The following CNTN5 variants were observed in gnomAD, a reference collection of about 807,000 sequenced individuals.
The protein encoded by CNTN5 is contactin-5.
A neutral mutation model predicts 129.1 loss-of-function variants in CNTN5; 77 were observed. That is an observed-to-expected ratio of 0.60 (90% CI 0.50 to 0.72). The LOEUF (loss-of-function observed/expected upper bound fraction) is 0.72, where lower values mean the gene tolerates loss of function less well. Ranked by LOEUF, CNTN5 falls within the 30% of genes least tolerant of loss-of-function variation. The probability of loss-of-function intolerance (pLI) is 0.00; values close to 1 mark genes in which losing one functional copy is unlikely to be tolerated. For synonymous variants in CNTN5, 509 were observed against 465.6 expected (o/e 1.09, Z -1.20); for missense variants, 1,478 against 1,328.8 (o/e 1.11, Z -1.75).
At chr11:99,768,466 C>T (rs1944833170) in intron 3 of CNTN5, among the ~76,000 whole-genome samples, 1 of 152,072 alleles carries the variant, frequency 6.6e-6, no homozygotes, top group Non-Finnish European at 1.5e-5. Context: ...CTTCAGTTGC[C>T]TGACTCAGCA....
intron 3 of CNTN5, among the ~76,000 whole-genome samples, chr11:99,769,696 C>G (rs141411812): frequency 1.2e-3 from 187 of 152,016 alleles, no homozygotes; most frequent in African/African-American, 4.4e-3. Flanking sequence ...TGCCTGTAAT[C>G]CCAGCTACTT....
intron 1 of CNTN5, among the ~76,000 whole-genome samples, chr11:99,062,210 A>AG (rs1864912877): frequency 6.6e-6 from 1 of 152,142 alleles, no homozygotes. Context: ...AGCAGACCTA[A>AG]CTAAATCTAA....
At chr11:99,557,646 C>A (rs2135541749) in intron 3 of CNTN5, among the ~76,000 whole-genome samples, 1 of 151,450 alleles carries the variant, frequency 6.6e-6, no homozygotes, top group East Asian at 1.9e-4. Context: ...ATTCTTTAGC[C>A]TTTATACTAT....
chr11:100,258,687 G>T (rs1175743659), intron 17 of CNTN5, among the ~76,000 whole-genome samples: 3 of 152,064 alleles, frequency 2.0e-5, no homozygotes, highest in Non-Finnish European at 4.4e-5. Context: ...TTCATATCCA[G>T]CCAAACTAAG....
chr11:99,296,649 G>A (rs567451896), intron 1 of CNTN5, among the ~76,000 whole-genome samples: 1 of 152,268 alleles, frequency 6.6e-6, no homozygotes, highest in South Asian at 2.1e-4. Flanking sequence ...TGGTTTTAGG[G>A]TGGAGCCCTT....
chr11:99,949,635 C>T (rs1387574744), intron 7 of CNTN5, among the ~76,000 whole-genome samples: 1 of 152,116 alleles, frequency 6.6e-6, no homozygotes, highest in Non-Finnish European at 1.5e-5. Flanking sequence ...AATTAAAAAC[C>T]CCTTAGCAAA....
chr11:100,262,290 A>G (rs568310519), intron 17 of CNTN5, among the ~76,000 whole-genome samples: 13 of 152,350 alleles, frequency 8.5e-5, no homozygotes, highest in African/African-American at 2.9e-4. Flanking sequence ...TCAGGAAACA[A>G]CAGATGCTGG....
At position 99,248,896 on chromosome 11, in the gene CNTN5, C is replaced by G. The variant is rs185648879; in HGVS notation, c.-209-76450C>G. On this transcript the variant is annotated intron_variant, in intron 1 of 24. Transcript: ENST00000524871. Reference sequence around the variant, plus strand: ...TGTAGTATAGTTTGAAGTCAGGTAGCGTGATGCCTCCAGCTTTGTTCTTTT... The same window carrying G: ...TGTAGTATAGTTTGAAGTCAGGTAGGGTGATGCCTCCAGCTTTGTTCTTTT... 1.4e-3 allele frequency among the ~76,000 whole-genome samples: 208 copies of G among 152,146 alleles called. 1 individual carries two copies. The highest frequency in any genetic ancestry group is 4.7e-3 in the African/African-American group (194 of 41,532).
chr11:99,207,543 C>T (rs1261047008), intron 1 of CNTN5, among the ~76,000 whole-genome samples: 1 of 152,162 alleles, frequency 6.6e-6, no homozygotes, highest in African/African-American at 2.4e-5. Context: ...GGTAACATCA[C>T]TATAACAAGG....
chr11:99,254,028 A>G (rs1329846914), intron 1 of CNTN5, among the ~76,000 whole-genome samples: 1 of 151,490 alleles, frequency 6.6e-6, no homozygotes, highest in Non-Finnish European at 1.5e-5. Context: ...TAAATCCAAA[A>G]TAATATTTAT....
At chr11:99,368,640 A>G (rs1418950025) in intron 2 of CNTN5, among the ~76,000 whole-genome samples, 2 of 151,534 alleles carry the variant, frequency 1.3e-5, no homozygotes, top group South Asian at 2.1e-4. Context: ...GACTTTACAC[A>G]TATAATTATC....
At chr11:99,545,940 G>C (rs1244796551) in intron 2 of CNTN5, among the ~76,000 whole-genome samples, 3 of 152,076 alleles carry the variant, frequency 2.0e-5, no homozygotes, top group Non-Finnish European at 4.4e-5. Flanking sequence ...CTCCTAAAAT[G>C]GATACAAATC....
At chr11:99,576,911 A>C (rs1385446383) in intron 3 of CNTN5, among the ~76,000 whole-genome samples, 1 of 152,174 alleles carries the variant, frequency 6.6e-6, no homozygotes, top group Non-Finnish European at 1.5e-5. Context: ...TGGGGGATTA[A>C]GATTTGAGGG....
Position 100,049,359 on chromosome 11 carries a change from C to G in CNTN5, c.981-11853C>G, listed in dbSNP as rs557610032. Reference sequence around the variant, plus strand: ...TCGCAAACTTTAAAATAATCAAACACATAGCACAAAAAACAAAAGGCTGTA... The same window carrying G: ...TCGCAAACTTTAAAATAATCAAACAGATAGCACAAAAAACAAAAGGCTGTA... On this transcript the variant is annotated intron_variant, in intron 9 of 24. Coordinates refer to ENST00000524871, the MANE Select transcript of CNTN5 (RefSeq NM_014361.4). Among the ~76,000 whole-genome samples, 4 of 151,498 alleles carry G rather than the reference C, an allele frequency of 2.6e-5. No individual in the cohort carries two copies. The South Asian group carries it at 8.3e-4, about 31-fold the overall frequency.
chr11:99,834,976 G>T (rs1230995840), intron 4 of CNTN5, among the ~76,000 whole-genome samples: 15 of 152,134 alleles, frequency 9.9e-5, no homozygotes, highest in Admixed American at 9.8e-4. Flanking sequence ...AGTAATTCAG[G>T]AGTTTCCCTT....
intron 1 of CNTN5, among the ~76,000 whole-genome samples, chr11:99,241,316 T>TG (rs1435532743): frequency 5.1e-5 from 5 of 97,726 alleles, no homozygotes; most frequent in South Asian, 3.8e-4. Flanking sequence ...ATTTGATTGT[T>TG]GGTTTTTTTT....
At chr11:100,246,129 A>T (rs1451248237) in intron 16 of CNTN5, among the ~76,000 whole-genome samples, 1 of 152,016 alleles carries the variant, frequency 6.6e-6, no homozygotes, top group African/African-American at 2.4e-5. Context: ...TCATTGATTT[A>T]AAAAAAGGGA....
At position 99,022,051 on chromosome 11, in the gene CNTN5, G is replaced by GA. The variant is rs565211170; in HGVS notation, c.-210+786dup. On this transcript the variant is annotated intron_variant, in intron 1 of 24. Transcript: ENST00000524871. The stretch of plus-strand genomic sequence containing the variant: ...TTAAATCTTAGAACTGTTCTCCCAA[G>GA]AAAAATACAATTTCATGTGGTAATT... Among the ~76,000 whole-genome samples, 701 of 152,230 alleles carry GA rather than the reference G, an allele frequency of 4.6e-3. 7 individuals carry two copies. Among genetic ancestry groups the GA allele is most frequent in the African/African-American group, 0.015 (615 of 41,558 alleles).
intron 8 of CNTN5, among the ~76,000 whole-genome samples, chr11:99,984,830 G>T (rs953964386): frequency 6.6e-6 from 1 of 152,158 alleles, no homozygotes; most frequent in African/African-American, 2.4e-5. Flanking sequence ...GAACATTGGA[G>T]CTGATGCAGA....
Sources: allele counts gnomAD v4.1 joint callset (sites outside exome capture counted in the v4.1 genomes callset), GRCh38; gene constraint gnomAD v4.1.1; transcripts MANE v1.5; gene names NCBI Gene and HGNC (gene_info 2026-07-23, HGNC 2026-07-21).